The following PAK1 variants were observed in gnomAD, a reference collection of about 807,000 sequenced individuals.
The protein encoded by PAK1 is p21 (RAC1) activated kinase 1, also known as serine/threonine-protein kinase PAK 1.
PAK1 carries 29 observed loss-of-function variants against 67.4 expected under a neutral mutation model. The ratio of observed to expected loss-of-function variants is 0.43; its 90% CI spans 0.32 to 0.59. The LOEUF (loss-of-function observed/expected upper bound fraction) is 0.59. Ranked by LOEUF, PAK1 falls within the 20% of genes least tolerant of loss-of-function variation. PAK1 has a pLI of 0.07. For missense variants in PAK1, 337 were observed against 670.7 expected (o/e 0.50, Z 5.50); for synonymous variants, 223 against 237.4 (o/e 0.94, Z 0.56).
At chr11:77,360,840 C>T (rs1157757639) in intron 5 of PAK1, among the ~76,000 whole-genome samples, 1 of 152,118 alleles carries the variant, frequency 6.6e-6, no homozygotes, top group African/African-American at 2.4e-5. Context: ...TCTCTGCCTA[C>T]CTCAGAAGGC....
At chr11:77,479,934 T>C in the PAK1 span, among the ~76,000 whole-genome samples, 1 of 152,114 alleles carries the variant, frequency 6.6e-6, no homozygotes, top group Non-Finnish European at 1.5e-5. Context: ...TTGAACTAAG[T>C]ACTTTGAGTC....
At chr11:77,502,961 G>A in the PAK1 span, among the ~76,000 whole-genome samples, 2 of 151,984 alleles carry the variant, frequency 1.3e-5, no homozygotes, top group Admixed American at 6.6e-5. Flanking sequence ...GATTTATAAT[G>A]GAAAAAAATT....
At chr11:77,396,956 A>AC (rs1215746733) in intron 1 of PAK1, 1 of 152,188 alleles carries the variant, frequency 6.6e-6, no homozygotes, top group Non-Finnish European at 1.5e-5. Flanking sequence ...ACCATTTTAA[A>AC]CTTTGTTTAC....
intron 1 of PAK1, among the ~76,000 whole-genome samples, chr11:77,427,778 T>C (rs1430064875): frequency 2.0e-5 from 3 of 152,212 alleles, no homozygotes; most frequent in African/African-American, 7.2e-5. Context: ...AAAAGGGGAC[T>C]GTTTATGACT....
At chr11:77,462,812 A>G (rs1405366053) in intron 1 of PAK1, among the ~76,000 whole-genome samples, 1 of 151,034 alleles carries the variant, frequency 6.6e-6, no homozygotes, top group African/African-American at 2.4e-5. Flanking sequence ...AGCCTGGGCA[A>G]CAGAGCGACC....
chr11:77,513,117 C>A, the PAK1 span, among the ~76,000 whole-genome samples: 4 of 152,022 alleles, frequency 2.6e-5, no homozygotes, highest in African/African-American at 9.7e-5. Flanking sequence ...AATGAGATTT[C>A]CAGAGGCTCT....
chr11:77,470,941 C>T (rs1196548043), intron 1 of PAK1, among the ~76,000 whole-genome samples: 1 of 152,134 alleles, frequency 6.6e-6, no homozygotes, highest in Non-Finnish European at 1.5e-5. Context: ...AAATGAATCC[C>T]CCAAAAATGT....
chr11:77,492,573 G>T, the PAK1 span, among the ~76,000 whole-genome samples: 1 of 145,472 alleles, frequency 6.9e-6, no homozygotes, highest in Non-Finnish European at 1.5e-5. Flanking sequence ...TAAAGACAAG[G>T]TCTCATTCTG....
chr11:77,453,458 C>G (rs1263460592), intron 1 of PAK1, among the ~76,000 whole-genome samples: 1 of 151,168 alleles, frequency 6.6e-6, no homozygotes, highest in African/African-American at 2.4e-5. Flanking sequence ...AACACCTTTC[C>G]CACTGAAACT....
intron 5 of PAK1, among the ~76,000 whole-genome samples, chr11:77,359,540 G>A (rs568923765): frequency 6.6e-6 from 1 of 152,054 alleles, no homozygotes; most frequent in Admixed American, 6.5e-5. Context: ...ACATTACCAG[G>A]GGTCCTCACC....
intron 1 of PAK1, among the ~76,000 whole-genome samples, chr11:77,463,567 CTTGT>C (rs1037229149): frequency 1.1e-4 from 16 of 152,282 alleles, no homozygotes; most frequent in Admixed American, 8.5e-4. Flanking sequence ...TATTTATTTA[CTTGT>C]TTGTTTTAGC....
chr11:77,490,888 G>T, the PAK1 span, among the ~76,000 whole-genome samples: 1 of 152,170 alleles, frequency 6.6e-6, no homozygotes, highest in Non-Finnish European at 1.5e-5. Flanking sequence ...ATGGATTAAG[G>T]GTGGTGCAAG....
chr11:77,509,552 C>T, the PAK1 span, among the ~76,000 whole-genome samples: 1 of 152,142 alleles, frequency 6.6e-6, no homozygotes, highest in Non-Finnish European at 1.5e-5. Flanking sequence ...ACACAGATAA[C>T]TGGTGATATA....
the PAK1 span, among the ~76,000 whole-genome samples, chr11:77,524,892 AAGGCTT>A: frequency 6.6e-6 from 1 of 152,242 alleles, no homozygotes; most frequent in Admixed American, 6.5e-5. Context: ...GGTCTACAAG[AAGGCTT>A]ATATCCAAAC....
At chr11:77,334,325 G>A (rs1053033013) in intron 13 of PAK1, among the ~76,000 whole-genome samples, 2 of 152,120 alleles carry the variant, frequency 1.3e-5, no homozygotes, top group African/African-American at 2.4e-5. Flanking sequence ...GGAGTCAGAG[G>A]CAAAGCTGGG....
the PAK1 span, among the ~76,000 whole-genome samples, chr11:77,505,913 G>A: frequency 1.3e-5 from 2 of 152,162 alleles, no homozygotes; most frequent in Non-Finnish European, 2.9e-5. Context: ...AGCCCAGCCA[G>A]GTCCGGCGCC....
intron 1 of PAK1, among the ~76,000 whole-genome samples, chr11:77,464,351 C>T (rs1303751931): frequency 6.6e-6 from 1 of 152,240 alleles, no homozygotes; most frequent in Non-Finnish European, 1.5e-5. Context: ...TTTTCCTTAT[C>T]ACTCCAAAAT....
Position 77,336,067 on chromosome 11 carries a change from T to G in PAK1, c.1413+19A>C. 6.7e-7 allele frequency: 1 copy of G among 1,503,482 alleles called. No homozygotes were observed. The highest frequency in any genetic ancestry group is 1.4e-5 in the African/African-American group (1 of 72,764). The allele number at this position is 1,503,482 out of a possible 1,614,324, so 93.1% of individuals were successfully genotyped here. A position where few individuals can be genotyped will look rare whatever the true frequency, so the allele number is the denominator to read the frequency against. ...AGACAACAGCCCAAATAACTTGAAA[T>G]AGAACTGGTAACACTCACTCTCAGA... On this transcript the variant is annotated intron_variant, in intron 13 of 14. Coordinates refer to ENST00000356341, the MANE Select transcript of PAK1 (RefSeq NM_002576.5).
chr11:77,372,210 T>C (rs1460216876), intron 5 of PAK1, among the ~76,000 whole-genome samples: 1 of 152,258 alleles, frequency 6.6e-6, no homozygotes, highest in Non-Finnish European at 1.5e-5. Flanking sequence ...ACAATTCGGC[T>C]TAAAGCCTCT....
Sources: gnomAD v4.1 joint callset for allele counts (sites outside exome capture counted in the v4.1 genomes callset) on GRCh38, gnomAD v4.1.1 for gene constraint, MANE v1.5 for transcripts, NCBI Gene and HGNC (gene_info 2026-07-23, HGNC 2026-07-21) for gene names.